Variants in TENM3 observed in about 807,000 individuals in gnomAD.
The protein encoded by TENM3 is teneurin-3.
In TENM3, 63 loss-of-function variants were observed where a neutral mutation model predicts 255.1. That is an observed-to-expected ratio of 0.25 (90% CI 0.20 to 0.30). TENM3 has a LOEUF of 0.30. Ranked by LOEUF, TENM3 falls within the 10% of genes least tolerant of loss-of-function variation. The pLI is 1.00. For missense variants in TENM3, 2,929 were observed against 3,461.1 expected, an observed-to-expected ratio of 0.85 and a Z score of 3.86; for synonymous variants, 1,306 against 1,322.3, an observed-to-expected ratio of 0.99 and a Z score of 0.27.
At chr4:181,497,917 G>C in the TENM3 span, among the ~76,000 whole-genome samples, 1 of 152,160 alleles carries the variant, frequency 6.6e-6, no homozygotes, top group African/African-American at 2.4e-5. Flanking sequence ...TGATAATGGT[G>C]TTTTCAAATA....
chr4:182,655,851 C>G (rs1185380214), intron 6 of TENM3, among the ~76,000 whole-genome samples: 2 of 152,174 alleles, frequency 1.3e-5, no homozygotes, highest in African/African-American at 2.4e-5. Context: ...ACATATGTAT[C>G]TGAAATATGC....
At chr4:181,989,189 C>T in the TENM3 span, among the ~76,000 whole-genome samples, 3 of 151,990 alleles carry the variant, frequency 2.0e-5, no homozygotes, top group Non-Finnish European at 4.4e-5. Context: ...AGGCAGGGGC[C>T]CTGCATAAAG....
the TENM3 span, among the ~76,000 whole-genome samples, chr4:181,785,218 T>C: frequency 6.6e-6 from 1 of 152,118 alleles, no homozygotes; most frequent in East Asian, 1.9e-4. Flanking sequence ...AGTAGATGCA[T>C]AGATAGATGA....
the TENM3 span, among the ~76,000 whole-genome samples, chr4:181,828,338 G>C: frequency 1.3e-5 from 2 of 152,172 alleles, no homozygotes; most frequent in African/African-American, 2.4e-5. Flanking sequence ...CTTTTCTCTG[G>C]GGTTTGGAGG....
At chr4:181,609,568 G>C in the TENM3 span, among the ~76,000 whole-genome samples, 1 of 152,184 alleles carries the variant, frequency 6.6e-6, no homozygotes, top group Admixed American at 6.5e-5. Context: ...CTGCATAAGT[G>C]ACCATTATAT....
chr4:182,211,388 C>A (rs567533279), intron 1 of TENM3, among the ~76,000 whole-genome samples: 12 of 152,146 alleles, frequency 7.9e-5, no homozygotes, highest in Admixed American at 2.0e-4. Flanking sequence ...TGCCATAATT[C>A]AATATTAACC....
the TENM3 span, among the ~76,000 whole-genome samples, chr4:181,649,722 C>T: frequency 1.3e-5 from 2 of 152,160 alleles, no homozygotes; most frequent in Non-Finnish European, 2.9e-5. Context: ...AAATGTATTT[C>T]GGTACCACTT....
the TENM3 span, among the ~76,000 whole-genome samples, chr4:181,776,669 T>C: frequency 6.6e-6 from 1 of 152,138 alleles, no homozygotes; most frequent in Non-Finnish European, 1.5e-5. Flanking sequence ...TCTCTGATGA[T>C]TAATGATATC....
At chr4:182,362,704 G>A (rs554040763) in intron 3 of TENM3, among the ~76,000 whole-genome samples, 7 of 152,080 alleles carry the variant, frequency 4.6e-5, no homozygotes, top group African/African-American at 9.7e-5. Flanking sequence ...GCCCTGCTTC[G>A]GCTCGCACAC....
the TENM3 span, among the ~76,000 whole-genome samples, chr4:181,925,220 G>A: frequency 6.6e-6 from 1 of 152,172 alleles, no homozygotes; most frequent in Admixed American, 6.5e-5. Flanking sequence ...CATAATGACA[G>A]TAATGAACTT....
At chr4:182,280,237 G>C (rs1045061654) in intron 1 of TENM3, among the ~76,000 whole-genome samples, 11 of 152,164 alleles carry the variant, frequency 7.2e-5, no homozygotes, top group Non-Finnish European at 1.3e-4. Context: ...TCCCCCACGG[G>C]GTCTTGCTCC....
chr4:182,251,193 G>C (rs1757991376), intron 1 of TENM3, among the ~76,000 whole-genome samples: 1 of 152,308 alleles, frequency 6.6e-6, no homozygotes, highest in South Asian at 2.1e-4. Flanking sequence ...ATGGGGGCTG[G>C]GCACAGTGGC....
intron 3 of TENM3, among the ~76,000 whole-genome samples, chr4:182,478,877 G>A (rs943445337): frequency 2.0e-5 from 3 of 151,874 alleles, no homozygotes; most frequent in Non-Finnish European, 2.9e-5. Context: ...TGGTTTTAAA[G>A]TACTCCTTTT....
chr4:182,469,058 T>C (rs568926022), intron 3 of TENM3, among the ~76,000 whole-genome samples: 6 of 152,324 alleles, frequency 3.9e-5, no homozygotes, highest in African/African-American at 1.4e-4. Context: ...TCTTTTTTAC[T>C]TAGCCAGAAG....
chr4:182,446,521 T>G (rs1772926304), intron 3 of TENM3, among the ~76,000 whole-genome samples: 1 of 152,344 alleles, frequency 6.6e-6, no homozygotes, highest in Admixed American at 6.5e-5. Flanking sequence ...GTGCTTATCT[T>G]TCTGCATTCG....
chr4:181,658,538 G>A, the TENM3 span, among the ~76,000 whole-genome samples: 1 of 152,144 alleles, frequency 6.6e-6, no homozygotes, highest in Non-Finnish European at 1.5e-5. Flanking sequence ...CACAACTAAT[G>A]CTAGTCATGC....
chr4:181,546,477 A>C, the TENM3 span, among the ~76,000 whole-genome samples: 1 of 151,548 alleles, frequency 6.6e-6, no homozygotes, highest in Non-Finnish European at 1.5e-5. Flanking sequence ...GCACTTTGGG[A>C]GGCCGAGGCG....
chr4:181,977,937 G>A, the TENM3 span, among the ~76,000 whole-genome samples: 2 of 152,172 alleles, frequency 1.3e-5, no homozygotes, highest in Admixed American at 6.5e-5. Context: ...TATCAAAGAC[G>A]ATAGCAAAGT....
At chr4:182,274,347 G>A (rs1401278939) in intron 1 of TENM3, among the ~76,000 whole-genome samples, 1 of 152,216 alleles carries the variant, frequency 6.6e-6, no homozygotes, top group Non-Finnish European at 1.5e-5. Context: ...CCTCCCCAGA[G>A]AGGAGAAAGG....
Sources: allele counts gnomAD v4.1 joint callset (sites outside exome capture counted in the v4.1 genomes callset), GRCh38; gene constraint gnomAD v4.1.1; transcripts MANE v1.5; gene names NCBI Gene and HGNC (gene_info 2026-07-23, HGNC 2026-07-21).